Variants in COL19A1 observed in about 807,000 individuals in gnomAD.
The protein encoded by COL19A1 is collagen alpha-1(XIX) chain.
COL19A1 carries 159 observed loss-of-function variants against 190.2 expected under a neutral mutation model. The observed-to-expected ratio is 0.84, with a 90% CI of 0.73 to 0.95. The LOEUF is 0.95. Ranked by LOEUF, COL19A1 falls within the 40% of genes least tolerant of loss-of-function variation. COL19A1 has a pLI of 0.00. For synonymous variants in COL19A1, 509 were observed against 458.9 expected, an observed-to-expected ratio of 1.11 and a Z score of -1.39; for missense variants, 1,418 against 1,431.9, an observed-to-expected ratio of 0.99 and a Z score of 0.16.
chr6:70,010,566 G>A (rs1279204935), intron 11 of COL19A1, among the ~76,000 whole-genome samples: 1 of 141,766 alleles, frequency 7.1e-6, no homozygotes, highest in Admixed American at 6.9e-5. Flanking sequence ...AGGGGTCAGG[G>A]AGTTCCCTTT....
chr6:70,051,010 A>G (rs569486291), intron 14 of COL19A1, among the ~76,000 whole-genome samples: 3 of 152,248 alleles, frequency 2.0e-5, no homozygotes, highest in African/African-American at 4.8e-5. Context: ...TAGCTTGGGC[A>G]TATCACTTAG....
At chr6:69,898,095 A>G (rs2149970056) in intron 2 of COL19A1, among the ~76,000 whole-genome samples, 1 of 152,190 alleles carries the variant, frequency 6.6e-6, no homozygotes, top group East Asian at 1.9e-4. Context: ...TATTAAACCC[A>G]AACATCAATT....
intron 40 of COL19A1, among the ~76,000 whole-genome samples, chr6:70,169,480 A>G (rs1480786018): frequency 6.6e-6 from 1 of 152,296 alleles, no homozygotes; most frequent in East Asian, 1.9e-4. Flanking sequence ...ATTATAGTAC[A>G]GTTTGTTAAA....
At chr6:70,023,278 C>T (rs760643036) in intron 11 of COL19A1, among the ~76,000 whole-genome samples, 12 of 151,896 alleles carry the variant, frequency 7.9e-5, no homozygotes, top group Non-Finnish European at 1.5e-4. Context: ...GGACTACAGG[C>T]GCGTGCCACC....
At position 70,034,275 on chromosome 6, in the gene COL19A1, C is replaced by G. The variant is rs771341446; in HGVS notation, c.1111C>G (p.Pro371Ala). The G allele has an allele frequency of 1.2e-6, 2 of 1,612,786 alleles. No homozygotes were observed. The highest frequency in any genetic ancestry group is 1.7e-6 in the Non-Finnish European group (2 of 1,179,008). Residue 371 changes from proline (P) to alanine (A), a missense_variant, in exon 13 of 51, where the codon CCA becomes GCA. By Grantham distance (27) the Pro-to-Ala change is conservative (BLOSUM62 -1). Coordinates refer to ENST00000620364, the MANE Select transcript of COL19A1 (RefSeq NM_001858.6). ...GAAAGGTGACTTGGGTCCTCATGGT[C>G]CACCTGGCCCAAAAGGAGAAAAGGT... ...GLKGDLGPHG[P>A]PGPKGEKGDT...
intron 14 of COL19A1, chr6:70,059,895 G>C (rs1018752993): frequency 5.6e-6 from 2 of 354,874 alleles, no homozygotes; most frequent in Admixed American, 8.2e-5. Context: ...AACATTGATA[G>C]GCATTTTTCA....
intron 2 of COL19A1, chr6:69,889,965 C>T: frequency 6.6e-6 from 1 of 152,554 alleles, no homozygotes; most frequent in Non-Finnish European, 1.5e-5. Context: ...CCTTTAAGAG[C>T]TGTAACACTT....
At chr6:70,070,577 A>T (rs1301254842) in intron 15 of COL19A1, among the ~76,000 whole-genome samples, 1 of 152,150 alleles carries the variant, frequency 6.6e-6, no homozygotes, top group African/African-American at 2.4e-5. Flanking sequence ...ATGCATTTGG[A>T]TTATATCCAT....
chr6:69,908,378 G>A (rs1424918698), intron 4 of COL19A1, among the ~76,000 whole-genome samples: 1 of 152,134 alleles, frequency 6.6e-6, no homozygotes, highest in East Asian at 1.9e-4. Flanking sequence ...AGGTGACTTA[G>A]TTACAAAGTT....
chr6:70,162,983 G>T (rs73746885), intron 35 of COL19A1, among the ~76,000 whole-genome samples: 1 of 152,138 alleles, frequency 6.6e-6, no homozygotes, highest in Non-Finnish European at 1.5e-5. Context: ...CTGCCGCCTT[G>T]AAGTATTTAA....
chr6:70,090,760 G>A (rs759270152), intron 15 of COL19A1, among the ~76,000 whole-genome samples: 12 of 152,034 alleles, frequency 7.9e-5, no homozygotes, highest in Non-Finnish European at 1.5e-4. Context: ...AACTCCTAAC[G>A]GCTTCACATC....
intron 14 of COL19A1, among the ~76,000 whole-genome samples, chr6:70,043,193 CTT>C (rs548148887): frequency 1.1e-3 from 164 of 145,308 alleles, no homozygotes; most frequent in African/African-American, 3.5e-3. Context: ...ATTTCTTCTT[CTT>C]TTTTTTTTTT....
At chr6:70,043,978 C>T (rs1232500097) in intron 14 of COL19A1, among the ~76,000 whole-genome samples, 2 of 152,200 alleles carry the variant, frequency 1.3e-5, no homozygotes, top group Non-Finnish European at 2.9e-5. Context: ...ATTGAAAACT[C>T]GTTGCGTGGT....
intron 15 of COL19A1, among the ~76,000 whole-genome samples, chr6:70,071,346 T>C (rs961858962): frequency 2.0e-5 from 3 of 152,152 alleles, no homozygotes; most frequent in African/African-American, 7.2e-5. Context: ...AAGGTTCTGT[T>C]TGAAATTTTG....
chr6:69,885,647 C>T (rs1768871279), intron 2 of COL19A1, among the ~76,000 whole-genome samples: 1 of 152,164 alleles, frequency 6.6e-6, no homozygotes, highest in South Asian at 2.1e-4. Flanking sequence ...TACCTCACAC[C>T]AGTGATAAAT....
chr6:69,957,502 G>A (rs1774493372), intron 9 of COL19A1, among the ~76,000 whole-genome samples: 1 of 151,848 alleles, frequency 6.6e-6, no homozygotes, highest in Admixed American at 6.6e-5. Flanking sequence ...TCTTCCTGTA[G>A]TTTGAATTTG....
intron 4 of COL19A1, among the ~76,000 whole-genome samples, chr6:69,900,667 G>A (rs1770128535): frequency 6.6e-6 from 1 of 151,986 alleles, no homozygotes. Flanking sequence ...TAAAACATAA[G>A]GCACTATATA....
chr6:69,940,265 A>G (rs1300180006), intron 9 of COL19A1, among the ~76,000 whole-genome samples: 2 of 152,120 alleles, frequency 1.3e-5, no homozygotes, highest in African/African-American at 4.8e-5. Flanking sequence ...TTTAACATTT[A>G]AATATTTATT....
At chr6:70,188,704 C>G (rs796540279) in intron 47 of COL19A1, among the ~76,000 whole-genome samples, 3 of 152,280 alleles carry the variant, frequency 2.0e-5, no homozygotes, top group Admixed American at 6.5e-5. Context: ...AACAACAAAT[C>G]TGCCATGAGT....
Sources: allele counts gnomAD v4.1 joint callset (sites outside exome capture counted in the v4.1 genomes callset), GRCh38; gene constraint gnomAD v4.1.1; transcripts MANE v1.5; gene names NCBI Gene and HGNC (gene_info 2026-07-23, HGNC 2026-07-21).